The following HINT1 variants were observed in gnomAD, a reference collection of about 807,000 sequenced individuals.
HINT1 encodes the protein histidine triad nucleotide binding protein 1.
HINT1 carries 12 observed loss-of-function variants against 11.2 expected under a neutral mutation model. The ratio of observed to expected loss-of-function variants is 1.07; its 90% CI spans 0.69 to 1.74. The LOEUF is 1.74. HINT1 is among the 40% of genes most tolerant of loss of function. HINT1 has a pLI of 0.00. For missense variants in HINT1, 150 were observed against 161.8 expected (o/e 0.93, Z 0.40); for synonymous variants, 42 against 52.6 (o/e 0.80, Z 0.87).
intron 2 of HINT1, among the ~76,000 whole-genome samples, chr5:131,160,266 T>C (rs1014347113): frequency 6.6e-6 from 1 of 152,222 alleles, no homozygotes; most frequent in Non-Finnish European, 1.5e-5. Flanking sequence ...CTTTGAACAC[T>C]ACCAGATCTA....
rs1473851654 is a variant in HINT1, at chr5:131,165,228, G to A, written c.-23C>T. 18 of 1,599,058 alleles carry A rather than the reference G, an allele frequency of 1.1e-5. No homozygotes were observed. In the South Asian group the frequency reaches 1.7e-4, roughly 15 times the overall value. On this transcript the variant is annotated 5_prime_UTR_variant, in exon 1 of 3. Coordinates refer to ENST00000304043, the MANE Select transcript of HINT1 (RefSeq NM_005340.7). ...CATCTCGGCCTCTCTCCCGCGCGGC[G>A]GCCAGAGGAGAGGCTCGGAAGAAGG...
Position 131,159,380 on chromosome 5 carries a change from T to C in HINT1, c.*67A>G, listed in dbSNP as rs1026602824. 1 of 1,435,012 alleles carries C rather than the reference T, an allele frequency of 7.0e-7. No homozygotes were observed. Among genetic ancestry groups the C allele is most frequent in the Admixed American group, 1.9e-5 (1 of 51,966 alleles). The allele number at this position is 1,435,012 out of a possible 1,614,324, so 88.9% of individuals were successfully genotyped here. A position where few individuals can be genotyped will look rare whatever the true frequency, so the allele number is the denominator to read the frequency against. On this transcript the variant is annotated 3_prime_UTR_variant, in exon 3 of 3. Coordinates refer to ENST00000304043, the MANE Select transcript of HINT1 (RefSeq NM_005340.7). ...ACACAGGCAAAAATAAGTGTGTTAC[T>C]TAACATACTGGAAATTGCCTAACTT...
At chr5:131,160,027 T>A (rs1022297950) in intron 2 of HINT1, among the ~76,000 whole-genome samples, 2 of 152,038 alleles carry the variant, frequency 1.3e-5, no homozygotes, top group African/African-American at 4.8e-5. Context: ...AATTTTTGTA[T>A]TTTTTTGTTG....
chr5:131,161,520 A>G (rs3864282), intron 2 of HINT1, among the ~76,000 whole-genome samples: 17,795 of 151,330 alleles, frequency 0.12, 2,597 homozygotes, highest in African/African-American at 0.34. Context: ...GCTTGTACCC[A>G]GGAGGCAGAG....
At chr5:131,160,895 A>G (rs1238687536) in intron 2 of HINT1, 1 of 453,094 alleles carries the variant, frequency 2.2e-6, no homozygotes, top group Non-Finnish European at 4.4e-6. Flanking sequence ...CTGTAGGTTA[A>G]CGTTAAGTGT....
chr5:131,163,782 A>G (rs1213748825), intron 1 of HINT1, among the ~76,000 whole-genome samples: 1 of 152,226 alleles, frequency 6.6e-6, no homozygotes, highest in African/African-American at 2.4e-5. Context: ...TACACATATG[A>G]CATGAATATT....
At chr5:131,164,530 A>C (rs2149654324) in intron 1 of HINT1, among the ~76,000 whole-genome samples, 1 of 152,296 alleles carries the variant, frequency 6.6e-6, no homozygotes, top group South Asian at 2.1e-4. Context: ...TGAGGGTGGC[A>C]AGCCGCACCC....
chr5:131,160,711 T>C (rs543351711), intron 2 of HINT1: 1 of 1,229,934 alleles, frequency 8.1e-7, no homozygotes, highest in South Asian at 1.3e-5. Context: ...AAATTGTAAG[T>C]TGGGGAAATT....
rs527975075 is a variant in HINT1 at position 131,160,824 on chromosome 5, T to C, written c.217-1213A>G. The C allele has an allele frequency of 7.4e-4, 345 of 466,964 alleles. 2 individuals carry two copies. Among genetic ancestry groups the C allele is most frequent in the African/African-American group, 5.6e-3 (284 of 50,380 alleles). 28.9% of individuals were successfully genotyped at this position (466,964 alleles called of 1,614,324 possible). A position where few individuals can be genotyped will look rare whatever the true frequency, so the allele number is the denominator to read the frequency against. On this transcript the variant is annotated intron_variant, in intron 2 of 2. Coordinates refer to ENST00000304043, the MANE Select transcript of HINT1 (RefSeq NM_005340.7). Reference sequence around the variant, plus strand: ...ACTGGTGATATGCAGTAAAATACTCTTACATGAGATATTCAACACTCTGTT... The same window carrying C: ...ACTGGTGATATGCAGTAAAATACTCCTACATGAGATATTCAACACTCTGTT...
At position 131,159,591 on chromosome 5, in the gene HINT1, A is replaced by G; in HGVS notation, c.237T>C (p.Ile79=). The stretch of plus-strand genomic sequence containing the variant: ...GATCAGCAGCACATTTCTTGCCAAC[A>G]ATCATTAAGTGTCCAAGAAGCTGGA... ...DDESLLGHLM[I]VGKKCAADLG... Residue 79 remains isoleucine (I), a synonymous_variant, in exon 3 of 3, where the codon ATT becomes ATC. Coordinates refer to ENST00000304043, the MANE Select transcript of HINT1 (RefSeq NM_005340.7). 6.2e-7 allele frequency: 1 copy of G among 1,613,124 alleles called. No individual in the cohort carries two copies. The highest frequency in any genetic ancestry group is 2.2e-5 in the East Asian group (1 of 44,876).
At chr5:131,159,632 T>C in intron 2 of HINT1, 21 bp from the exon 3 acceptor site, 1 of 1,602,014 alleles carries the variant, frequency 6.2e-7, no homozygotes, top group South Asian at 1.1e-5. Context: ...AAAAAAAGTT[T>C]CTTAGGCACA....
intron 1 of HINT1, 33 bp downstream of exon 1, chr5:131,165,062 C>G: frequency 6.2e-7 from 1 of 1,613,152 alleles, no homozygotes; most frequent in Non-Finnish European, 8.5e-7. Flanking sequence ...ATACCCACCT[C>G]AGCAGGCGAG....
intron 2 of HINT1, among the ~76,000 whole-genome samples, chr5:131,161,595 CAAA>C (rs1220648384): frequency 1.5e-4 from 9 of 61,624 alleles, no homozygotes; most frequent in Non-Finnish European, 1.0e-4. Flanking sequence ...AACTCCGTCT[CAAA>C]AAAAAAAAAA....
intron 2 of HINT1, 177 bp downstream of exon 2, chr5:131,162,395 G>T: frequency 1.6e-6 from 2 of 1,248,700 alleles, no homozygotes; most frequent in Non-Finnish European, 1.1e-6. Flanking sequence ...TTGCTGGTGG[G>T]ATACAAAATG....
At chr5:131,161,812 A>G (rs1755256671) in intron 2 of HINT1, among the ~76,000 whole-genome samples, 1 of 152,164 alleles carries the variant, frequency 6.6e-6, no homozygotes, top group African/African-American at 2.4e-5. Flanking sequence ...CCCTTGCACA[A>G]CATGGGTTTG....
At chr5:131,163,807 T>A (rs1297999396) in intron 1 of HINT1, among the ~76,000 whole-genome samples, 1 of 152,238 alleles carries the variant, frequency 6.6e-6, no homozygotes, top group Non-Finnish European at 1.5e-5. Flanking sequence ...AATCTCTTGC[T>A]CACTGCTGAA....
rs1432904410 is a variant in HINT1 at position 131,159,472 on chromosome 5, C to T, written c.356G>A (p.Arg119Gln). Reference sequence around the variant, plus strand: ...TTAACCAGGAGGCCAATGCATTTGCCGACCTCCAAGAACATGGAGATGAAC... The same window carrying T: ...TTAACCAGGAGGCCAATGCATTTGCTGACCTCCAAGAACATGGAGATGAAC... Reference protein sequence around the residue: ...YHVHLHVLGGRQMHWPPG With the variant: ...YHVHLHVLGGQQMHWPPG Residue 119 changes from arginine (R) to glutamine (Q), a missense_variant, in exon 3 of 3, where the codon CGG becomes CAG. By Grantham distance (43) the Arg-to-Gln change is conservative. Transcript: ENST00000304043. 5.6e-6 allele frequency: 9 copies of T among 1,612,368 alleles called. No homozygotes were observed. The highest frequency in any genetic ancestry group is 5.9e-6 in the Non-Finnish European group (7 of 1,179,792).
In HINT1 at chr5:131,162,658, T is replaced by C. The variant is rs1258438260; in HGVS notation, c.130A>G (p.Ile44Val). Residue 44 changes from isoleucine (I) to valine (V), a missense_variant, in exon 2 of 3, where the codon ATT becomes GTT. By Grantham distance (29) the Ile-to-Val change is conservative. Transcript: ENST00000304043. Reference sequence around the variant, plus strand: ...AAATGTGTTGGTGCTTGAGGGGAAATGTCATGGAAAGCAAGGCACTAGGGA... The same window carrying C: ...AAATGTGTTGGTGCTTGAGGGGAAACGTCATGGAAAGCAAGGCACTAGGGA... ...EDDRCLAFHD[I>V]SPQAPTHFLV... The C allele has an allele frequency of 4.3e-6, 7 of 1,610,242 alleles. No homozygotes were observed. Among genetic ancestry groups the C allele is most frequent in the Non-Finnish European group, 5.9e-6 (7 of 1,177,168 alleles).
At chr5:131,162,387 G>T in intron 2 of HINT1, 185 bp downstream of exon 2, 1 of 1,179,420 alleles carries the variant, frequency 8.5e-7, no homozygotes, top group Non-Finnish European at 1.2e-6. Flanking sequence ...CTCATTCATT[G>T]CTGGTGGGAT....
Sources: allele counts gnomAD v4.1 joint callset (sites outside exome capture counted in the v4.1 genomes callset), GRCh38; gene constraint gnomAD v4.1.1; transcripts MANE v1.5; gene names NCBI Gene and HGNC (gene_info 2026-07-23, HGNC 2026-07-21).